Variants in PTPN14 observed in about 807,000 individuals in gnomAD.
The protein encoded by PTPN14 is tyrosine-protein phosphatase non-receptor type 14.
Under a neutral mutation model 126.8 loss-of-function variants are expected in PTPN14, and 53 were observed. That is an observed-to-expected ratio of 0.42 (90% CI 0.34 to 0.53). The LOEUF is 0.53. Among genes scored for constraint, PTPN14 ranks in the 20% least tolerant of loss-of-function variants. The probability of loss-of-function intolerance (pLI) is 0.08; values close to 1 mark genes in which losing one functional copy is unlikely to be tolerated. For missense variants in PTPN14, 1,257 were observed against 1,552.9 expected (o/e 0.81, Z 3.20); for synonymous variants, 630 against 599.3 (o/e 1.05, Z -0.75).
At chr1:214,418,337 C>A (rs111603758) in intron 3 of PTPN14, among the ~76,000 whole-genome samples, 3,465 of 152,332 alleles carry the variant, frequency 0.023, 72 homozygotes, top group Non-Finnish European at 0.03. Flanking sequence ...GGCCATACAT[C>A]ACTGCAGCAT....
At chr1:214,433,066 G>A (rs1418806087) in intron 3 of PTPN14, among the ~76,000 whole-genome samples, 1 of 151,990 alleles carries the variant, frequency 6.6e-6, no homozygotes, top group Non-Finnish European at 1.5e-5. Context: ...ACCACGCCCG[G>A]CTATTTTTTT....
intron 1 of PTPN14, among the ~76,000 whole-genome samples, chr1:214,547,179 T>C (rs1655993798): frequency 6.6e-6 from 1 of 152,302 alleles, no homozygotes; most frequent in African/African-American, 2.4e-5. Context: ...GCATGCAATA[T>C]ATGGCAAAGG....
At chr1:214,509,244 C>T (rs1654912429) in intron 1 of PTPN14, among the ~76,000 whole-genome samples, 1 of 152,210 alleles carries the variant, frequency 6.6e-6, no homozygotes, top group Admixed American at 6.5e-5. Context: ...GTGTAGCCAC[C>T]TTCATCAGTG....
At chr1:214,413,320 A>G (rs2102583042) in intron 4 of PTPN14, among the ~76,000 whole-genome samples, 1 of 152,352 alleles carries the variant, frequency 6.6e-6, no homozygotes, top group East Asian at 1.9e-4. Flanking sequence ...AAGCAGACAG[A>G]GGTGATACAT....
chr1:214,402,708 T>G, intron 6 of PTPN14, among the ~76,000 whole-genome samples, 175 bp downstream of exon 6: 1 of 85,952 alleles, frequency 1.2e-5, no homozygotes, highest in South Asian at 4.1e-4. Context: ...CGGAGCAGTT[T>G]TCAAGTGGAC....
chr1:214,387,218 T>G (rs796166336), intron 11 of PTPN14, among the ~76,000 whole-genome samples: 46 of 152,354 alleles, frequency 3.0e-4, no homozygotes, highest in African/African-American at 1.1e-3. Flanking sequence ...TTCTAATATA[T>G]TTGCAAAGTT....
chr1:214,415,552 G>A (rs1659407276), intron 3 of PTPN14, among the ~76,000 whole-genome samples: 1 of 152,154 alleles, frequency 6.6e-6, no homozygotes, highest in Non-Finnish European at 1.5e-5. Context: ...TTTTGCTCCT[G>A]GTAACTGTAA....
chr1:214,398,989 G>A (rs185018214), intron 7 of PTPN14, among the ~76,000 whole-genome samples: 4 of 147,634 alleles, frequency 2.7e-5, no homozygotes, highest in South Asian at 2.2e-4. Context: ...GGATGGTCTC[G>A]ATCTCTTGAC....
chr1:214,500,499 C>T (rs1654656968), intron 1 of PTPN14, among the ~76,000 whole-genome samples: 1 of 152,204 alleles, frequency 6.6e-6, no homozygotes, highest in African/African-American at 2.4e-5. Flanking sequence ...CCTCCTCCTT[C>T]AACTTGGTGA....
chr1:214,405,661 C>A (rs1023652533), intron 5 of PTPN14, among the ~76,000 whole-genome samples: 1 of 149,130 alleles, frequency 6.7e-6, no homozygotes, highest in Admixed American at 6.7e-5. Flanking sequence ...CACTCTTCAA[C>A]GGTCTTATAT....
intron 5 of PTPN14, among the ~76,000 whole-genome samples, chr1:214,408,501 G>T (rs941123238): frequency 1.3e-5 from 2 of 152,152 alleles, no homozygotes; most frequent in Admixed American, 6.6e-5. Context: ...CCCAGGAATG[G>T]GCATTTTACT....
intron 1 of PTPN14, among the ~76,000 whole-genome samples, chr1:214,496,508 T>TGGAATA (rs1654518016): frequency 6.6e-6 from 1 of 152,184 alleles, no homozygotes; most frequent in South Asian, 2.1e-4. Context: ...AAACTTCCAA[T>TGGAATA]GGAATAGCAA....
At chr1:214,490,939 G>A (rs1355265011) in intron 1 of PTPN14, among the ~76,000 whole-genome samples, 2 of 95,368 alleles carry the variant, frequency 2.1e-5, no homozygotes, top group Non-Finnish European at 2.2e-5. Context: ...AGGAAAGAAA[G>A]AAAGAAAAGA....
chr1:214,479,016 T>TA (rs71556608), intron 1 of PTPN14, among the ~76,000 whole-genome samples: 53 of 143,748 alleles, frequency 3.7e-4, no homozygotes, highest in Admixed American at 7.7e-4. Flanking sequence ...ACATTTTGCT[T>TA]AAAAAAAAAA....
intron 1 of PTPN14, among the ~76,000 whole-genome samples, chr1:214,490,896 AGGG>A: frequency 8.1e-5 from 1 of 12,394 alleles, no homozygotes. Context: ...AGGGGAGGGG[AGGG>A]AAGGGGAAGG....
At chr1:214,526,694 A>C (rs1655408769) in intron 1 of PTPN14, among the ~76,000 whole-genome samples, 1 of 152,206 alleles carries the variant, frequency 6.6e-6, no homozygotes, top group Non-Finnish European at 1.5e-5. Flanking sequence ...TGTTTGAAAA[A>C]TCCAGGTTTA....
Position 214,546,235 on chromosome 1 carries a change from C to T in PTPN14, c.-155+4948G>A, listed in dbSNP as rs182510043. Among the ~76,000 whole-genome samples the T allele has an allele frequency of 9.2e-5, 14 of 152,286 alleles. No homozygotes were observed. The East Asian group carries it at 2.3e-3, about 25-fold the overall frequency. ...AGGCCTACCTTAAACGTGCTGAATCCAGAAACCGAGGTAGGCATGGGGAAC... is the reference window on the plus strand; with the variant it reads ...AGGCCTACCTTAAACGTGCTGAATCTAGAAACCGAGGTAGGCATGGGGAAC... On this transcript the variant is annotated intron_variant, in intron 1 of 18. Transcript: ENST00000366956.
At chr1:214,366,616 A>G (rs1658086039) in intron 17 of PTPN14, among the ~76,000 whole-genome samples, 1 of 152,172 alleles carries the variant, frequency 6.6e-6, no homozygotes, top group Non-Finnish European at 1.5e-5. Flanking sequence ...ATCTTTTAAA[A>G]CCTAGGAGAA....
chr1:214,526,158 T>TAAA (rs1655391301), intron 1 of PTPN14, among the ~76,000 whole-genome samples: 1 of 150,942 alleles, frequency 6.6e-6, no homozygotes, highest in African/African-American at 2.4e-5. Flanking sequence ...TAGACAGGGG[T>TAAA]TTTCACCATG....
Sources: allele counts gnomAD v4.1 joint callset (sites outside exome capture counted in the v4.1 genomes callset), GRCh38; gene constraint gnomAD v4.1.1; transcripts MANE v1.5; gene names NCBI Gene and HGNC (gene_info 2026-07-23, HGNC 2026-07-21).